The following AFDN variants were observed in gnomAD, a reference collection of about 807,000 sequenced individuals.
AFDN encodes afadin.
Under a neutral mutation model 216.6 loss-of-function variants are expected in AFDN, and 68 were observed. The ratio of observed to expected loss-of-function variants is 0.31; its 90% CI spans 0.26 to 0.38. AFDN has a LOEUF of 0.38. Among genes scored for constraint, AFDN ranks in the 10% least tolerant of loss-of-function variants. AFDN has a pLI of 1.00. For missense variants in AFDN, 2,136 were observed against 2,342.0 expected, an observed-to-expected ratio of 0.91 and a Z score of 1.82; for synonymous variants, 868 against 853.7, an observed-to-expected ratio of 1.02 and a Z score of -0.29.
rs763078019 is a variant in AFDN, at chr6:167,898,194, T to C, written c.1318-11T>C. On this transcript the variant is annotated splice_polypyrimidine_tract_variant and intron_variant, in intron 10 of 33. Coordinates refer to ENST00000683244, the MANE Select transcript of AFDN (RefSeq NM_001386888.1). ...ATGATGGGAGTTTCTTTGGTTTCCT[T>C]CGGTTTCCAGTTGTTTGGCCCAGGA... The C allele has an allele frequency of 1.2e-6, 2 of 1,612,020 alleles. No individual in the cohort carries two copies. Among genetic ancestry groups the C allele is most frequent in the South Asian group, 2.2e-5 (2 of 90,920 alleles).
In AFDN at chr6:167,970,570, G is replaced by T; in HGVS notation, c.*635G>T. 2 of 212,776 alleles carry T rather than the reference G, an allele frequency of 9.4e-6. No homozygotes were observed. The highest frequency in any genetic ancestry group is 7.1e-5 in the East Asian group (1 of 14,166). 13.2% of individuals were successfully genotyped at this position (212,776 alleles called of 1,614,324 possible). ...CCGAGACTGTTCCATCTCATTCCTC[G>T]CAAATTTGAGCTCTTCTGATCAATT... is the stretch of plus-strand genomic sequence containing the variant. On this transcript the variant is annotated 3_prime_UTR_variant, in exon 34 of 34. Coordinates refer to ENST00000683244, the MANE Select transcript of AFDN (RefSeq NM_001386888.1).
At chr6:167,960,813 A>G (rs141805537) in intron 30 of AFDN, among the ~76,000 whole-genome samples, 5 of 152,250 alleles carry the variant, frequency 3.3e-5, no homozygotes, top group African/African-American at 1.2e-4. Flanking sequence ...GTGGGTTCTT[A>G]GTGGCATCTA....
chr6:167,868,578 A>G (rs1784446975), intron 2 of AFDN, among the ~76,000 whole-genome samples: 1 of 152,102 alleles, frequency 6.6e-6, no homozygotes, highest in Non-Finnish European at 1.5e-5. Context: ...TTAGGACTTG[A>G]ACCAGTATTT....
At chr6:167,943,077 A>C in intron 23 of AFDN, 52 bp from the exon 24 acceptor site, 2 of 1,503,574 alleles carry the variant, frequency 1.3e-6, no homozygotes, top group Non-Finnish European at 1.8e-6. Flanking sequence ...TGCATAGTGC[A>C]TTTCTTACAA....
intron 17 of AFDN, 100 bp downstream of exon 17, chr6:167,914,413 T>C: frequency 7.0e-7 from 1 of 1,427,098 alleles, no homozygotes; most frequent in Non-Finnish European, 9.5e-7. Flanking sequence ...ATATTTACCT[T>C]GATTGAAGGT....
chr6:167,870,955 A>G (rs926096430), intron 3 of AFDN, among the ~76,000 whole-genome samples: 21 of 152,190 alleles, frequency 1.4e-4, no homozygotes, highest in South Asian at 6.2e-4. Context: ...GAGTGATTCT[A>G]CAACTTCCTA....
At position 167,914,758 on chromosome 6, in the gene AFDN, GTC is replaced by G; in HGVS notation, c.2299+23_2299+24del. On this transcript the variant is annotated intron_variant, in intron 18 of 33. Transcript: ENST00000683244. ...AAATAGGTTAGGATGTTTTCTGACT[GTC>G]TCCCTCTATCCCGCTTCCTTCACGT... is the stretch of plus-strand genomic sequence containing the variant. 2.0e-6 allele frequency: 3 copies of G among 1,511,380 alleles called. No individual in the cohort carries two copies. Among genetic ancestry groups the G allele is most frequent in the Non-Finnish European group, 2.8e-6 (3 of 1,087,186 alleles). The allele number at this position is 1,511,380 out of a possible 1,614,324, so 93.6% of individuals were successfully genotyped here. A position where few individuals can be genotyped will look rare whatever the true frequency, so the allele number is the denominator to read the frequency against.
chr6:167,840,328 A>G (rs1780924311), intron 1 of AFDN, among the ~76,000 whole-genome samples: 1 of 152,168 alleles, frequency 6.6e-6, no homozygotes. Context: ...CTCGTTATTC[A>G]CTGTCCTCCT....
In AFDN at chr6:167,859,415, T is replaced by C. The variant is rs187740671; in HGVS notation, c.106-5136T>C. ...ATAAGAAATAAATTGGTTGTGTGCA[T>C]GTGTAACAAAGTGGACAGTCCGTCA... On this transcript the variant is annotated intron_variant, in intron 1 of 33. Coordinates refer to ENST00000683244, the MANE Select transcript of AFDN (RefSeq NM_001386888.1). Among the ~76,000 whole-genome samples the C allele has an allele frequency of 1.1e-4, 17 of 152,352 alleles. No individual in the cohort carries two copies. The East Asian group carries it at 1.9e-3, about 17-fold the overall frequency.
chr6:167,935,604 G>T (rs755457441), intron 23 of AFDN, among the ~76,000 whole-genome samples: 1 of 152,146 alleles, frequency 6.6e-6, no homozygotes, highest in Non-Finnish European at 1.5e-5. Context: ...TGTTAAATGA[G>T]GAATGAGTAA....
intron 4 of AFDN, among the ~76,000 whole-genome samples, chr6:167,874,610 A>ATTTTTTT (rs34069250): frequency 1.8e-5 from 2 of 113,264 alleles, no homozygotes; most frequent in Non-Finnish European, 1.8e-5. Flanking sequence ...ATTTGCTATA[A>ATTTTTTT]TTTTTTTTTT....
intron 15 of AFDN, chr6:167,911,955 C>T (rs1367205600): frequency 5.6e-6 from 1 of 177,226 alleles, no homozygotes; most frequent in East Asian, 1.4e-4. Context: ...TTCCCCCGTT[C>T]CCTGGTAACG....
intron 9 of AFDN, among the ~76,000 whole-genome samples, chr6:167,895,430 G>A (rs753320812): frequency 6.6e-4 from 100 of 152,150 alleles, no homozygotes; most frequent in Non-Finnish European, 1.2e-3. Context: ...AGAGCAGTTA[G>A]AGTTGAAAAT....
intron 23 of AFDN, among the ~76,000 whole-genome samples, chr6:167,935,054 T>A (rs553922351): frequency 6.6e-6 from 1 of 152,340 alleles, no homozygotes; most frequent in African/African-American, 2.4e-5. Flanking sequence ...AACTTTTTGT[T>A]CATTTATTGC....
At chr6:167,905,093 A>G (rs992318880) in intron 12 of AFDN, among the ~76,000 whole-genome samples, 1 of 151,652 alleles carries the variant, frequency 6.6e-6, no homozygotes, top group Admixed American at 6.6e-5. Flanking sequence ...TGCTTTTCAC[A>G]CTCTGGCCCC....
intron 1 of AFDN, among the ~76,000 whole-genome samples, chr6:167,861,165 G>A (rs1783521997): frequency 6.6e-6 from 1 of 151,946 alleles, no homozygotes; most frequent in Non-Finnish European, 1.5e-5. Context: ...CATTTGACTA[G>A]TTTTGATAAG....
At chr6:167,956,499 C>A (rs1039965134) in intron 30 of AFDN, among the ~76,000 whole-genome samples, 1 of 152,178 alleles carries the variant, frequency 6.6e-6, no homozygotes, top group African/African-American at 2.4e-5. Flanking sequence ...GACGGTAGCA[C>A]CACTTTGATG....
chr6:167,903,871 G>A lies in AFDN; in HGVS notation c.1650+1485G>A, dbSNP rs531540500. ...ACCTCCCAGGTCCCAAATCTGGCAC[G>A]CATTTTGTCCTGTCTTACTTGTTGC... is the stretch of plus-strand genomic sequence containing the variant. On this transcript the variant is annotated intron_variant, in intron 12 of 33. Transcript: ENST00000683244. Among the ~76,000 whole-genome samples, 123 of 152,284 alleles carry A rather than the reference G, an allele frequency of 8.1e-4. 1 individual carries two copies. The highest frequency in any genetic ancestry group is 2.8e-3 in the African/African-American group (115 of 41,570).
chr6:167,930,355 A>C (rs1793131205), intron 23 of AFDN, among the ~76,000 whole-genome samples: 1 of 152,222 alleles, frequency 6.6e-6, no homozygotes, highest in Non-Finnish European at 1.5e-5. Flanking sequence ...TCACTTCATC[A>C]GCACATGCCC....
Sources: gnomAD v4.1 joint callset for allele counts (sites outside exome capture counted in the v4.1 genomes callset) on GRCh38, gnomAD v4.1.1 for gene constraint, MANE v1.5 for transcripts, NCBI Gene and HGNC (gene_info 2026-07-23, HGNC 2026-07-21) for gene names.